The following PDE8B variants were observed in gnomAD, a reference collection of about 807,000 sequenced individuals.
PDE8B encodes the protein high affinity cAMP-specific and IBMX-insensitive 3',5'-cyclic phosphodiesterase 8B.
Under a neutral mutation model 101.3 loss-of-function variants are expected in PDE8B, and 26 were observed. That is an observed-to-expected ratio of 0.26 (90% confidence interval 0.19 to 0.36). The LOEUF (loss-of-function observed/expected upper bound fraction) is 0.36. Among genes scored for constraint, PDE8B ranks in the 10% least tolerant of loss-of-function variants. The pLI is 1.00. For synonymous variants in PDE8B, 424 were observed against 429.3 expected (o/e 0.99, Z 0.15); for missense variants, 810 against 1,163.1 (o/e 0.70, Z 4.42).
At chr5:77,226,481 C>T (rs766865178) in intron 1 of PDE8B, among the ~76,000 whole-genome samples, 2 of 152,126 alleles carry the variant, frequency 1.3e-5, no homozygotes, top group Admixed American at 6.5e-5. Flanking sequence ...CAGCCAGTCC[C>T]CTATTGATGT....
At chr5:77,128,564 T>C in the PDE8B span, among the ~76,000 whole-genome samples, 1 of 152,168 alleles carries the variant, frequency 6.6e-6, no homozygotes, top group South Asian at 2.1e-4. Context: ...ATCCAGTGTC[T>C]GGGCTGAGGC....
the PDE8B span, among the ~76,000 whole-genome samples, chr5:77,164,761 G>C: frequency 6.6e-6 from 1 of 152,152 alleles, no homozygotes; most frequent in South Asian, 2.1e-4. Flanking sequence ...TGTGTGTTGG[G>C]GGGAACATGT....
the PDE8B span, among the ~76,000 whole-genome samples, chr5:77,180,820 G>T: frequency 6.6e-6 from 1 of 152,168 alleles, no homozygotes; most frequent in African/African-American, 2.4e-5. Flanking sequence ...CCGGCTCCTC[G>T]GGCTGCTGTT....
At position 77,418,411 on chromosome 5, in the gene PDE8B, G is replaced by T; in HGVS notation, c.2094G>T (p.Lys698Asn). 6.2e-7 allele frequency: 1 copy of T among 1,614,036 alleles called. No homozygotes were observed. The highest frequency in any genetic ancestry group is 1.1e-5 in the South Asian group (1 of 91,084). ...CCCTGGCCTTCCAGCTCACGGTCAA[G>T]GACACCAAATGCAACATTTTCAAGA... Reference protein sequence around the residue: ...HTALAFQLTVKDTKCNIFKNI... With the variant: ...HTALAFQLTVNDTKCNIFKNI... Residue 698 changes from lysine to asparagine, a missense_variant, in exon 18 of 22, where the codon AAG becomes AAT. By Grantham distance (94) the Lys-to-Asn change is moderately conservative. This residue lies in a region of PDE8B where 325 missense variants were observed against 560.9 expected (regional missense o/e 0.58). Transcript: ENST00000264917.
chr5:77,255,816 A>C (rs981689768), intron 1 of PDE8B, among the ~76,000 whole-genome samples: 1 of 152,226 alleles, frequency 6.6e-6, no homozygotes, highest in Non-Finnish European at 1.5e-5. Context: ...CGTCTACTAC[A>C]GATCCGGGTA....
At chr5:77,122,245 A>G in the PDE8B span, among the ~76,000 whole-genome samples, 37 of 152,194 alleles carry the variant, frequency 2.4e-4, no homozygotes, top group Admixed American at 9.2e-4. Context: ...GGAATCATCA[A>G]TAGATGTCCC....
chr5:77,250,242 C>T (rs1270192535), intron 1 of PDE8B, among the ~76,000 whole-genome samples: 2 of 152,162 alleles, frequency 1.3e-5, no homozygotes, highest in Non-Finnish European at 2.9e-5. Context: ...TACATTTTTA[C>T]GAATTAAGAA....
At chr5:77,213,551 A>AT (rs1360640662) in intron 1 of PDE8B, among the ~76,000 whole-genome samples, 3 of 152,250 alleles carry the variant, frequency 2.0e-5, no homozygotes, top group South Asian at 2.1e-4. Flanking sequence ...CTTTACATTC[A>AT]TTTTTTTGTA....
the PDE8B span, chr5:77,086,737 C>A: frequency 6.6e-6 from 1 of 152,218 alleles, no homozygotes; most frequent in Admixed American, 6.5e-5. Context: ...GTCCCAGTTA[C>A]AGAAAGAACC....
chr5:77,414,210 G>A (rs1795081371), intron 17 of PDE8B, among the ~76,000 whole-genome samples: 1 of 152,104 alleles, frequency 6.6e-6, no homozygotes, highest in African/African-American at 2.4e-5. Flanking sequence ...TGTGGGTAAG[G>A]TTTTCTTCTC....
the PDE8B span, among the ~76,000 whole-genome samples, chr5:77,133,080 A>C: frequency 1.3e-5 from 2 of 152,202 alleles, no homozygotes; most frequent in Admixed American, 1.3e-4. Context: ...GGTAGGTTAG[A>C]TTATTATTCA....
rs984998765 is a variant in PDE8B at position 77,426,736 on chromosome 5, G to C, written c.*182G>C. On this transcript the variant is annotated 3_prime_UTR_variant, in exon 22 of 22. Transcript: ENST00000264917. ...TTCTTAGAAAGTTATGTTCCATGAA[G>C]AAAAATATATGTTCTTTTGAATACT... The C allele has an allele frequency of 1.6e-6, 1 of 626,118 alleles. No individual in the cohort carries two copies. The highest frequency in any genetic ancestry group is 1.9e-5 in the African/African-American group (1 of 54,044). The allele number at this position is 626,118 out of a possible 1,614,324, so 38.8% of individuals were successfully genotyped here.
At chr5:77,090,815 A>G in the PDE8B span, among the ~76,000 whole-genome samples, 1 of 152,034 alleles carries the variant, frequency 6.6e-6, no homozygotes, top group African/African-American at 2.4e-5. Context: ...TCATCAGTTG[A>G]TGGACACTTA....
intron 10 of PDE8B, among the ~76,000 whole-genome samples, chr5:77,381,239 G>T (rs1787392958): frequency 6.6e-6 from 1 of 152,210 alleles, no homozygotes; most frequent in East Asian, 1.9e-4. Flanking sequence ...GATGAGAATA[G>T]ACTGGGTTGG....
chr5:77,166,595 G>T, the PDE8B span: 1 of 152,174 alleles, frequency 6.6e-6, no homozygotes, highest in African/African-American at 2.4e-5. Context: ...GTAGGGTAGG[G>T]TGAGAGAATG....
At chr5:77,118,420 A>G in the PDE8B span, 8 of 398,616 alleles carry the variant, frequency 2.0e-5, no homozygotes, top group Non-Finnish European at 3.1e-5. Context: ...CTGGGCCTGG[A>G]TGCTGGAGAG....
At chr5:77,098,388 A>T in the PDE8B span, among the ~76,000 whole-genome samples, 1 of 151,668 alleles carries the variant, frequency 6.6e-6, no homozygotes, top group Non-Finnish European at 1.5e-5. Flanking sequence ...CGTGCCAGTG[A>T]TTCTCCCACC....
intron 1 of PDE8B, among the ~76,000 whole-genome samples, chr5:77,263,207 C>T (rs935450843): frequency 3.3e-5 from 5 of 152,180 alleles, no homozygotes; most frequent in African/African-American, 1.2e-4. Flanking sequence ...ACAGAGATGA[C>T]AGTTTAGGGC....
At chr5:77,291,563 T>C in intron 1 of PDE8B, 2 of 1,599,884 alleles carry the variant, frequency 1.3e-6, no homozygotes, top group Non-Finnish European at 1.7e-6. Context: ...GTAGCAACTT[T>C]ACCAAAGATC....
Sources: allele counts gnomAD v4.1 joint callset (sites outside exome capture counted in the v4.1 genomes callset), GRCh38; gene constraint gnomAD v4.1.1; regional missense constraint gnomAD v4.1.1; transcripts MANE v1.5; gene names NCBI Gene and HGNC (gene_info 2026-07-23, HGNC 2026-07-21).